Variants in HHLA1 observed in about 807,000 individuals in gnomAD.
The protein encoded by HHLA1 is HHLA1 neighbor of OC90.
In HHLA1, 72 loss-of-function variants were observed where a neutral mutation model predicts 69.9. That is an observed-to-expected ratio of 1.03 (90% CI 0.85 to 1.25). HHLA1 has a LOEUF of 1.25. HHLA1 is among the 50% of genes most tolerant of loss of function. The pLI is 0.00. For synonymous variants in HHLA1, 252 were observed against 233.2 expected, an observed-to-expected ratio of 1.08 and a Z score of -0.73; for missense variants, 685 against 642.2, an observed-to-expected ratio of 1.07 and a Z score of -0.72.
chr8:132,067,782 T>C (rs1823467154), intron 15 of HHLA1, among the ~76,000 whole-genome samples: 1 of 152,158 alleles, frequency 6.6e-6, no homozygotes, highest in African/African-American at 2.4e-5. Flanking sequence ...GCTCCTGGAG[T>C]TGTGCAACAT....
intron 10 of HHLA1, chr8:132,080,347 G>A (rs1823729064): frequency 2.0e-5 from 7 of 354,810 alleles, no homozygotes; most frequent in South Asian, 1.3e-4. Flanking sequence ...GTCAGTGAAG[G>A]GAGATAAGGG....
At chr8:132,071,307 T>G (rs1563740349) in intron 15 of HHLA1, 33 bp downstream of exon 15, 2 of 1,537,054 alleles carry the variant, frequency 1.3e-6, no homozygotes, top group South Asian at 1.2e-5. Flanking sequence ...CTATAAATAT[T>G]CCATGTGAAA....
intron 10 of HHLA1, among the ~76,000 whole-genome samples, chr8:132,084,245 A>G (rs1332426712): frequency 6.6e-6 from 1 of 151,902 alleles, no homozygotes; most frequent in Non-Finnish European, 1.5e-5. Context: ...AGGGTGGAGG[A>G]GCGGAGGCTG....
Position 132,105,181 on chromosome 8 carries a change from A to G in HHLA1, c.79+6T>C, listed in dbSNP as rs1436395545. ...CAGACACTTGCAGAACTCCAGCTAGACCCACCTGTGTTCCAAAGGGACAAG... is the reference window on the plus strand; with the variant it reads ...CAGACACTTGCAGAACTCCAGCTAGGCCCACCTGTGTTCCAAAGGGACAAG... On this transcript the variant is annotated splice_donor_region_variant and intron_variant, in intron 2 of 16. Coordinates refer to ENST00000414222, the MANE Select transcript of HHLA1 (RefSeq NM_001145095.3). 1.4e-5 allele frequency: 21 copies of G among 1,549,464 alleles called. No individual in the cohort carries two copies. Among genetic ancestry groups the G allele is most frequent in the Non-Finnish European group, 1.7e-5 (19 of 1,144,748 alleles).
intron 15 of HHLA1, among the ~76,000 whole-genome samples, chr8:132,067,111 G>T (rs1462517722): frequency 1.3e-5 from 2 of 152,196 alleles, no homozygotes; most frequent in African/African-American, 4.8e-5. Flanking sequence ...CCAAAGCACA[G>T]AGGGCAATGG....
intron 13 of HHLA1, 48 bp downstream of exon 13, chr8:132,076,427 C>CA (rs2130880802): frequency 9.8e-6 from 7 of 714,162 alleles, no homozygotes; most frequent in Non-Finnish European, 1.4e-5. Context: ...CTTCCCACCC[C>CA]TCCCATCCCC....
rs1399466845 is a variant in HHLA1, at chr8:132,089,572, A to G, written c.476T>C (p.Ile159Thr). The G allele has an allele frequency of 6.7e-7, 1 of 1,503,198 alleles. No homozygotes were observed. Among genetic ancestry groups the G allele is most frequent in the South Asian group, 1.2e-5 (1 of 83,068 alleles). 93.1% of individuals were successfully genotyped at this position (1,503,198 alleles called of 1,614,324 possible). A position where few individuals can be genotyped will look rare whatever the true frequency, so the allele number is the denominator to read the frequency against. ...SDFTALLVDI[I>T]GNSTSYLTEI... ...TGTGAGGTAGCTGGTAGAATTGCCGATGATATCTACCAGTAGAGCTGTAAA... is the reference window on the plus strand; with the variant it reads ...TGTGAGGTAGCTGGTAGAATTGCCGGTGATATCTACCAGTAGAGCTGTAAA... The change falls in exon 8 of 17, where the codon ATC becomes ACC. Residue 159 changes from isoleucine to threonine, a missense_variant. By Grantham distance (89) the Ile-to-Thr change is moderately conservative (BLOSUM62 -1). Coordinates refer to ENST00000414222, the MANE Select transcript of HHLA1 (RefSeq NM_001145095.3).
At chr8:132,074,545 C>T (rs974117418) in intron 14 of HHLA1, among the ~76,000 whole-genome samples, 3 of 152,000 alleles carry the variant, frequency 2.0e-5, no homozygotes, top group African/African-American at 4.8e-5. Context: ...ACAGTAGGAG[C>T]CCAATAAATA....
At chr8:132,079,582 T>G in intron 11 of HHLA1, 136 bp downstream of exon 11, 1 of 941,516 alleles carries the variant, frequency 1.1e-6, no homozygotes, top group Non-Finnish European at 1.6e-6. Context: ...TACAGATCTG[T>G]TATTTAAGTA....
rs1465628659 is a variant in HHLA1, at chr8:132,079,728, G to C, written c.915C>G (p.Leu305=). The stretch of plus-strand genomic sequence containing the variant: ...GAGAATGCATCTTACCCAAGGCTGG[G>C]AGAGTGTGGGAGGCACTGAACCATG... The part of the protein sequence containing the change: ...TATWFSASHT[L]PALATRRVAR... The change falls in exon 11 of 17, where the codon CTC becomes CTG. Residue 305 remains leucine, a synonymous_variant. Coordinates refer to ENST00000414222, the MANE Select transcript of HHLA1 (RefSeq NM_001145095.3). The C allele has an allele frequency of 6.5e-6, 10 of 1,548,550 alleles. No individual in the cohort carries two copies. The Admixed American group carries it at 1.6e-4, about 25-fold the overall frequency.
At chr8:132,079,680 C>A in intron 11 of HHLA1, 38 bp downstream of exon 11, 2 of 1,505,090 alleles carry the variant, frequency 1.3e-6, no homozygotes, top group Admixed American at 2.2e-5. Context: ...AGGAGCGAGA[C>A]ATAGCAAAGG....
chr8:132,081,127 G>A (rs1305792182), intron 10 of HHLA1: 6 of 138,468 alleles, frequency 4.3e-5, no homozygotes, highest in African/African-American at 1.6e-4. Context: ...GATAGCACCA[G>A]TAGATATCAG....
Position 132,095,660 on chromosome 8 carries a change from T to A in HHLA1, c.364+43A>T, listed in dbSNP as rs116340894. 2.2e-3 allele frequency: 3,384 copies of A among 1,532,524 alleles called. 71 individuals carry two copies. The African/African-American group carries it at 0.041, about 19-fold the overall frequency. The allele number at this position is 1,532,524 out of a possible 1,614,324, so 94.9% of individuals were successfully genotyped here. A position where few individuals can be genotyped will look rare whatever the true frequency, so the allele number is the denominator to read the frequency against. On this transcript the variant is annotated intron_variant, in intron 6 of 16. Transcript: ENST00000414222. ...ACACACAGACCAGCCCTGCAACACATCCCTACCACCACCACCATCAAGAAG... is the reference window on the plus strand; with the variant it reads ...ACACACAGACCAGCCCTGCAACACAACCCTACCACCACCACCATCAAGAAG...
intron 10 of HHLA1, among the ~76,000 whole-genome samples, chr8:132,086,207 G>A (rs565697982): frequency 6.6e-6 from 1 of 152,166 alleles, no homozygotes; most frequent in East Asian, 1.9e-4. Context: ...TCAAGAGGTG[G>A]CAGCAGTGGA....
At chr8:132,076,415 A>G in intron 13 of HHLA1, 60 bp downstream of exon 13, 1 of 910,382 alleles carries the variant, frequency 1.1e-6, no homozygotes, top group South Asian at 1.6e-5. Context: ...CTTGTCCCCA[A>G]GCTTCCCACC....
At chr8:132,105,315 A>C (rs1473281340) in intron 1 of HHLA1, 29 bp from the exon 2 acceptor site, 1 of 1,372,244 alleles carries the variant, frequency 7.3e-7, no homozygotes, top group South Asian at 1.2e-5. Flanking sequence ...ACACTTAGGA[A>C]ACTAAGCACA....
At chr8:132,100,864 G>A (rs1824100570) in intron 3 of HHLA1, among the ~76,000 whole-genome samples, 1 of 152,186 alleles carries the variant, frequency 6.6e-6, no homozygotes, top group South Asian at 2.1e-4. Context: ...AGACCAGAAG[G>A]ATCAGTTATT....
At chr8:132,085,038 G>A (rs1002372983) in intron 10 of HHLA1, among the ~76,000 whole-genome samples, 15 of 151,922 alleles carry the variant, frequency 9.9e-5, no homozygotes, top group African/African-American at 3.4e-4. Context: ...CAGAGAAGGG[G>A]TAGAGACAAG....
intron 14 of HHLA1, among the ~76,000 whole-genome samples, chr8:132,074,595 T>C (rs985774011): frequency 1.3e-5 from 2 of 151,538 alleles, no homozygotes; most frequent in African/African-American, 4.8e-5. Context: ...AAATACTTTG[T>C]GGCATGATTT....
Sources: allele counts gnomAD v4.1 joint callset (sites outside exome capture counted in the v4.1 genomes callset), GRCh38; gene constraint gnomAD v4.1.1; transcripts MANE v1.5; gene names NCBI Gene and HGNC (gene_info 2026-07-23, HGNC 2026-07-21).